ZFHX3: variants seen among roughly 807,000 people sequenced by gnomAD.
ZFHX3 encodes the protein zinc finger homeobox protein 3.
A neutral mutation model predicts 279.1 loss-of-function variants in ZFHX3; 42 were observed. The observed-to-expected ratio is 0.15, with a 90% CI of 0.12 to 0.19. The LOEUF (loss-of-function observed/expected upper bound fraction) is 0.19, where lower values mean the gene tolerates loss of function less well. Ranked by LOEUF, ZFHX3 falls within the 10% of genes least tolerant of loss-of-function variation. The pLI is 1.00. For missense variants in ZFHX3, 4,981 were observed against 4,754.0 expected (o/e 1.05, Z -1.40); for synonymous variants, 2,293 against 1,957.8 (o/e 1.17, Z -4.52).
At position 72,958,090 on chromosome 16, in the gene ZFHX3, G is replaced by C. The variant is rs933046869; in HGVS notation, c.2056C>G (p.Leu686Val). The change falls in exon 2 of 10, where the codon CTG (leucine) becomes GTG (valine). Residue 686 changes from leucine (L) to valine (V), a missense_variant. Coordinates refer to ENST00000268489, the MANE Select transcript of ZFHX3 (RefSeq NM_006885.4). ...CNWHYKYQQT[L>V]EAHMKEKHPE... ...TGCTTCTCCTTCATGTGTGCCTCCA[G>C]GGTCTGCTGGTACTTATAGTGCCAG... 6.2e-7 allele frequency: 1 copy of C among 1,614,104 alleles called. No individual in the cohort carries two copies. The highest frequency in any genetic ancestry group is 8.5e-7 in the Non-Finnish European group (1 of 1,180,032).
At chr16:73,388,594 C>CCAGG (rs952594490) in intron 3 of ZFHX3, among the ~76,000 whole-genome samples, 4 of 152,296 alleles carry the variant, frequency 2.6e-5, no homozygotes, top group East Asian at 1.9e-4. Flanking sequence ...AGCCAACCTG[C>CCAGG]CAGGCAGGCA....
intron 4 of ZFHX3, among the ~76,000 whole-genome samples, chr16:72,855,607 G>C (rs1220935297): frequency 6.6e-6 from 1 of 152,192 alleles, no homozygotes; most frequent in Non-Finnish European, 1.5e-5. Context: ...TGAAAGAAAG[G>C]TTCCAAGATT....
intron 2 of ZFHX3, among the ~76,000 whole-genome samples, chr16:73,580,539 C>CT (rs1311450075): frequency 3.3e-5 from 5 of 151,104 alleles, no homozygotes; most frequent in Non-Finnish European, 7.4e-5. Flanking sequence ...ATTTCCTTTG[C>CT]TAACTGGGAC....
chr16:73,072,745 T>C (rs1205656043), intron 8 of ZFHX3, among the ~76,000 whole-genome samples: 1 of 152,294 alleles, frequency 6.6e-6, no homozygotes, highest in East Asian at 1.9e-4. Context: ...GTTTTACAAA[T>C]TTTTTGTAGA....
intron 1 of ZFHX3, among the ~76,000 whole-genome samples, chr16:73,809,000 T>C (rs1960357121): frequency 6.6e-6 from 1 of 152,196 alleles, no homozygotes. Context: ...TATCCTGTCA[T>C]CTGTGTTGCT....
Position 73,728,812 on chromosome 16 carries a change from T to TACAC in ZFHX3, c.-1607-48576_-1607-48573dup, listed in dbSNP as rs3049676. The stretch of plus-strand genomic sequence containing the variant: ...TACCTTAATGCTAAGAATAACCCCC[T>TACAC]ACACACACACACACACACACACACA... On this transcript the variant is annotated intron_variant, in intron 1 of 17. Transcript: ENST00000641206. Among the ~76,000 whole-genome samples the TACAC allele has an allele frequency of 8.4e-3, 1,223 of 146,128 alleles. 11 individuals carry two copies. The highest frequency in any genetic ancestry group is 0.015 in the African/African-American group (587 of 39,434).
chr16:73,111,195 C>T (rs1966369014), intron 7 of ZFHX3, among the ~76,000 whole-genome samples: 1 of 152,224 alleles, frequency 6.6e-6, no homozygotes, highest in Non-Finnish European at 1.5e-5. Context: ...TCTGCCTCAG[C>T]CTTCCAAAGA....
At chr16:73,838,686 C>T (rs188952116) in intron 1 of ZFHX3, among the ~76,000 whole-genome samples, 82 of 152,104 alleles carry the variant, frequency 5.4e-4, no homozygotes, top group African/African-American at 1.8e-3. Flanking sequence ...AGAAAGGAAG[C>T]AGAAGGATAT....
chr16:72,857,050 C>T (rs1026968347), intron 4 of ZFHX3, among the ~76,000 whole-genome samples: 4 of 152,214 alleles, frequency 2.6e-5, no homozygotes, highest in Non-Finnish European at 5.9e-5. Flanking sequence ...TTCCACAATT[C>T]CACATTCCCC....
intron 1 of ZFHX3, among the ~76,000 whole-genome samples, chr16:73,800,009 C>T (rs1960097501): frequency 6.6e-6 from 1 of 151,872 alleles, no homozygotes; most frequent in African/African-American, 2.4e-5. Context: ...AAGACCCTGT[C>T]TCTACAAAAA....
chr16:73,072,862 C>A (rs543304040), intron 8 of ZFHX3, among the ~76,000 whole-genome samples: 10 of 151,972 alleles, frequency 6.6e-5, no homozygotes, highest in African/African-American at 1.7e-4. Flanking sequence ...AGCCACTGTG[C>A]CCAGCGCATT....
intron 2 of ZFHX3, among the ~76,000 whole-genome samples, chr16:73,668,331 G>T (rs963992520): frequency 2.6e-5 from 4 of 151,518 alleles, no homozygotes; most frequent in African/African-American, 9.7e-5. Context: ...TATACTTTAA[G>T]TTCTGGGATA....
At chr16:73,029,330 G>A (rs1303399325) in intron 1 of ZFHX3, among the ~76,000 whole-genome samples, 1 of 152,188 alleles carries the variant, frequency 6.6e-6, no homozygotes, top group Non-Finnish European at 1.5e-5. Flanking sequence ...CAGGTAAGGA[G>A]AGTGAAAAAG....
At position 73,334,810 on chromosome 16, in the gene ZFHX3, CTTTT is replaced by C. The variant is rs368597124; in HGVS notation, c.-1290-16478_-1290-16475del. Among the ~76,000 whole-genome samples the C allele has an allele frequency of 3.9e-3, 228 of 57,906 alleles. 1 individual carries two copies. Among genetic ancestry groups the C allele is most frequent in the Middle Eastern group, 0.019 (1 of 52 alleles). 38.0% of individuals were successfully genotyped at this position (57,906 alleles called of 152,430 possible). ...TCTTTTCCTCCTTTTCTTTCTCATTCTTTTTTTTTTTTTTTTTTTTTTTTTTGCA... is the reference window on the plus strand; with the variant it reads ...TCTTTTCCTCCTTTTCTTTCTCATTCTTTTTTTTTTTTTTTTTTTTTTGCA... On this transcript the variant is annotated intron_variant, in intron 3 of 17. Transcript: ENST00000641206.
chr16:73,269,612 A>G (rs1015315654), intron 4 of ZFHX3, among the ~76,000 whole-genome samples: 12 of 152,164 alleles, frequency 7.9e-5, no homozygotes, highest in Admixed American at 1.3e-4. Flanking sequence ...ATAACCTTCC[A>G]CGAATATTCA....
At chr16:73,524,544 T>C (rs1217880262) in intron 2 of ZFHX3, among the ~76,000 whole-genome samples, 2 of 152,202 alleles carry the variant, frequency 1.3e-5, no homozygotes, top group African/African-American at 4.8e-5. Context: ...CATGTTCTGA[T>C]TCGCATGTTC....
chr16:73,281,410 T>C (rs1391381021), intron 4 of ZFHX3, among the ~76,000 whole-genome samples: 1 of 152,172 alleles, frequency 6.6e-6, no homozygotes, highest in Admixed American at 6.5e-5. Flanking sequence ...ATATTACTTA[T>C]ATGTGAAAAG....
Position 72,797,472 on chromosome 16 carries a change from T to C in ZFHX3, c.5210A>G (p.Gln1737Arg). 6.2e-7 allele frequency: 1 copy of C among 1,612,958 alleles called. No homozygotes were observed. Among genetic ancestry groups the C allele is most frequent in the Non-Finnish European group, 8.5e-7 (1 of 1,179,486 alleles). The change falls in exon 9 of 10, where the codon CAA (glutamine) becomes CGA (arginine). Residue 1737 changes from glutamine to arginine, a missense_variant. By Grantham distance (43) the Gln-to-Arg change is conservative. Around this residue, in one of 7 missense-constraint regions of ZFHX3, gnomAD observed 1,751 missense variants for 1,770.0 expected, o/e 0.99. Transcript: ENST00000268489. ...QQQQQQQQQQ[Q>R]QQQQAQTLAQ... ...CAGCGTTTGTGCTTGTTGTTGTTGT[T>C]GTTGTTGTTGTTGTTGCTGTTGCTG...
intron 3 of ZFHX3, among the ~76,000 whole-genome samples, chr16:73,399,320 G>T (rs2017197830): frequency 6.6e-6 from 1 of 152,108 alleles, no homozygotes; most frequent in African/African-American, 2.4e-5. Flanking sequence ...TGGGAACTTG[G>T]GGAGTTCCTT....
Sources: gnomAD v4.1 joint callset for allele counts (sites outside exome capture counted in the v4.1 genomes callset) on GRCh38, gnomAD v4.1.1 for gene constraint, gnomAD v4.1.1 regional missense constraint, MANE v1.5 for transcripts, NCBI Gene and HGNC (gene_info 2026-07-23, HGNC 2026-07-21) for gene names.